CCDC178: variants seen among roughly 807,000 people sequenced by gnomAD.
CCDC178 encodes the protein coiled-coil domain containing 178.
In CCDC178, 126 loss-of-function variants were observed where a neutral mutation model predicts 117.4. The ratio of observed to expected loss-of-function variants is 1.07; its 90% CI spans 0.93 to 1.24. The LOEUF is 1.24. CCDC178 is among the 50% of genes most tolerant of loss of function. The pLI is 0.00. For synonymous variants in CCDC178, 283 were observed against 313.4 expected (o/e 0.90, Z 1.02); for missense variants, 1,030 against 986.9 (o/e 1.04, Z -0.59).
intron 2 of CCDC178, among the ~76,000 whole-genome samples, chr18:33,427,587 C>T (rs1285104328): frequency 6.6e-6 from 1 of 152,010 alleles, no homozygotes; most frequent in Non-Finnish European, 1.5e-5. Context: ...GTATTACATC[C>T]AATAGATTAG....
At chr18:33,130,723 A>T (rs1222218309) in intron 20 of CCDC178, among the ~76,000 whole-genome samples, 1 of 151,922 alleles carries the variant, frequency 6.6e-6, no homozygotes, top group African/African-American at 2.4e-5. Flanking sequence ...TTTGTCTCTG[A>T]TATGTTCTAC....
chr18:32,995,166 G>C (rs1195796900), intron 21 of CCDC178, among the ~76,000 whole-genome samples: 1 of 151,954 alleles, frequency 6.6e-6, no homozygotes, highest in Non-Finnish European at 1.5e-5. Flanking sequence ...AAATAAATGC[G>C]ATCGCTTATC....
chr18:33,212,879 T>C (rs957844742), intron 19 of CCDC178, among the ~76,000 whole-genome samples: 3 of 151,960 alleles, frequency 2.0e-5, no homozygotes, highest in African/African-American at 7.2e-5. Context: ...ATAACTTGCT[T>C]GCCAAAGTTG....
intron 22 of CCDC178, among the ~76,000 whole-genome samples, chr18:32,960,683 C>T (rs1598734406): frequency 6.6e-6 from 1 of 152,194 alleles, no homozygotes; most frequent in East Asian, 1.9e-4. Flanking sequence ...CTCTCTACCC[C>T]AGCACTATGC....
chr18:33,326,671 GT>G (rs370026418), intron 10 of CCDC178, among the ~76,000 whole-genome samples: 1 of 150,952 alleles, frequency 6.6e-6, no homozygotes, highest in Non-Finnish European at 1.5e-5. Context: ...TTGTTTTTGG[GT>G]TTTTTTTCTT....
intron 11 of CCDC178, among the ~76,000 whole-genome samples, chr18:33,319,047 T>C (rs2062463058): frequency 6.6e-6 from 1 of 152,122 alleles, no homozygotes; most frequent in Non-Finnish European, 1.5e-5. Flanking sequence ...TAAATATATA[T>C]ATTTTTTATT....
chr18:33,363,697 G>A (rs781212407), intron 6 of CCDC178, among the ~76,000 whole-genome samples: 3 of 151,942 alleles, frequency 2.0e-5, no homozygotes, highest in African/African-American at 7.3e-5. Flanking sequence ...TTTCACTTTA[G>A]TTCATAGATC....
At chr18:33,379,102 TATATATATTTCCATATATATATA>T (rs1352416435) in intron 5 of CCDC178, among the ~76,000 whole-genome samples, 932 of 8,290 alleles carry the variant, frequency 0.11, 15 homozygotes, top group South Asian at 0.27. Flanking sequence ...TTGCCGTATA[TATATATATTTCCATATATATATA>T]ATATATATAT....
At chr18:33,391,088 T>C (rs2063558267) in intron 4 of CCDC178, among the ~76,000 whole-genome samples, 1 of 151,028 alleles carries the variant, frequency 6.6e-6, no homozygotes, top group Non-Finnish European at 1.5e-5. Context: ...TTATAATATA[T>C]AAATGACTAA....
At chr18:33,310,121 C>G (rs966045352) in intron 11 of CCDC178, among the ~76,000 whole-genome samples, 1 of 152,054 alleles carries the variant, frequency 6.6e-6, no homozygotes, top group African/African-American at 2.4e-5. Flanking sequence ...ACCACCATGC[C>G]TGGCTAATTT....
At chr18:33,032,753 G>A (rs959076123) in intron 21 of CCDC178, among the ~76,000 whole-genome samples, 1 of 152,038 alleles carries the variant, frequency 6.6e-6, no homozygotes. Context: ...TTTGGGTACA[G>A]ATTTGGGGTA....
intron 3 of CCDC178, among the ~76,000 whole-genome samples, chr18:33,402,895 C>T (rs2063728008): frequency 6.6e-6 from 1 of 152,202 alleles, no homozygotes; most frequent in South Asian, 2.1e-4. Flanking sequence ...CATACATGTC[C>T]ACGCTTTATT....
intron 21 of CCDC178, among the ~76,000 whole-genome samples, chr18:33,021,426 G>C (rs753839394): frequency 1.3e-5 from 2 of 152,132 alleles, no homozygotes; most frequent in Non-Finnish European, 2.9e-5. Context: ...GGCCAGGCAT[G>C]GTGGCTTATG....
intron 20 of CCDC178, among the ~76,000 whole-genome samples, chr18:33,113,623 A>G (rs1353320688): frequency 3.3e-5 from 5 of 152,058 alleles, no homozygotes; most frequent in Non-Finnish European, 7.4e-5. Context: ...ATAAATCTCC[A>G]AGCTTCAGGG....
chr18:33,316,089 C>T (rs1023818785), intron 11 of CCDC178, among the ~76,000 whole-genome samples: 2 of 152,322 alleles, frequency 1.3e-5, no homozygotes, highest in Middle Eastern at 3.4e-3. Context: ...CCCTCGCTTG[C>T]TCTCAGCGCC....
chr18:32,989,321 A>G (rs757783957), intron 21 of CCDC178, among the ~76,000 whole-genome samples: 3 of 152,200 alleles, frequency 2.0e-5, no homozygotes, highest in Admixed American at 1.3e-4. Flanking sequence ...CTAAACATAC[A>G]TTTTACCCAC....
At chr18:33,101,105 T>C (rs1315451561) in intron 20 of CCDC178, among the ~76,000 whole-genome samples, 3 of 151,826 alleles carry the variant, frequency 2.0e-5, no homozygotes, top group Admixed American at 2.0e-4. Flanking sequence ...GTGTATTAAA[T>C]AAACTTAAAA....
At chr18:33,075,861 C>T (rs915671137) in intron 21 of CCDC178, among the ~76,000 whole-genome samples, 6 of 151,986 alleles carry the variant, frequency 3.9e-5, no homozygotes, top group Non-Finnish European at 8.8e-5. Flanking sequence ...CCCAGCTACT[C>T]GGGAGGCTGA....
intron 21 of CCDC178, among the ~76,000 whole-genome samples, chr18:33,081,120 ACTGTGAAGTACT>A (rs2057290304): frequency 1.3e-5 from 2 of 152,138 alleles, no homozygotes; most frequent in African/African-American, 4.8e-5. Flanking sequence ...GACATATTTT[ACTGTGAAGTACT>A]CTATAGGTTT....
Sources: gnomAD v4.1 joint callset for allele counts (sites outside exome capture counted in the v4.1 genomes callset) on GRCh38, gnomAD v4.1.1 for gene constraint, MANE v1.5 for transcripts, NCBI Gene and HGNC (gene_info 2026-07-23, HGNC 2026-07-21) for gene names.